Variants in SPEF2 observed in about 807,000 individuals in gnomAD.
SPEF2 encodes sperm flagella and cilia-associated protein 2.
Under a neutral mutation model 224.6 loss-of-function variants are expected in SPEF2, and 187 were observed. The observed-to-expected ratio is 0.83, with a 90% CI of 0.74 to 0.94. The LOEUF is 0.94. SPEF2 is among the 40% of genes least tolerant of loss of function. The pLI is 0.00. For synonymous variants in SPEF2, 715 were observed against 707.3 expected (o/e 1.01, Z -0.17); for missense variants, 2,170 against 2,135.6 (o/e 1.02, Z -0.32).
At chr5:35,804,703 A>G (rs1181699647) in intron 34 of SPEF2, among the ~76,000 whole-genome samples, 1 of 147,004 alleles carries the variant, frequency 6.8e-6, no homozygotes. Context: ...TTACATTGCT[A>G]CCTCTTAAAT....
intron 20 of SPEF2, among the ~76,000 whole-genome samples, chr5:35,726,299 T>G (rs2149651108): frequency 6.6e-6 from 1 of 152,308 alleles, no homozygotes; most frequent in African/African-American, 2.4e-5. Flanking sequence ...ATTACAAAGT[T>G]CTTCTTCTTA....
chr5:35,697,543 C>T (rs1195439880), intron 14 of SPEF2, 147 bp from the exon 15 acceptor site: 3 of 595,914 alleles, frequency 5.0e-6, no homozygotes, highest in East Asian at 2.9e-5. Flanking sequence ...ACACATTTTC[C>T]TGAAATGCTT....
At chr5:35,677,753 T>G (rs1752224379) in intron 10 of SPEF2, among the ~76,000 whole-genome samples, 1 of 152,202 alleles carries the variant, frequency 6.6e-6, no homozygotes, top group Admixed American at 6.5e-5. Context: ...TGTCTGCATC[T>G]GATTGGTCAC....
intron 19 of SPEF2, chr5:35,709,605 A>G: frequency 2.0e-6 from 2 of 985,596 alleles, no homozygotes; most frequent in Non-Finnish European, 2.4e-6. Context: ...TGTGATTATA[A>G]AAGTATAGAA....
At chr5:35,632,220 G>A (rs928565329) in intron 2 of SPEF2, among the ~76,000 whole-genome samples, 2 of 152,074 alleles carry the variant, frequency 1.3e-5, no homozygotes, top group African/African-American at 2.4e-5. Context: ...ATATATACCC[G>A]AGATTGGGCA....
intron 21 of SPEF2, among the ~76,000 whole-genome samples, chr5:35,738,748 G>A (rs1289483490): frequency 6.6e-6 from 1 of 151,532 alleles, no homozygotes; most frequent in Non-Finnish European, 1.5e-5. Context: ...GTTAATCATT[G>A]GTCCTCTTCA....
chr5:35,692,922 C>T (rs937540196), intron 12 of SPEF2, among the ~76,000 whole-genome samples, 198 bp downstream of exon 12: 5 of 151,936 alleles, frequency 3.3e-5, no homozygotes, highest in South Asian at 2.1e-4. Flanking sequence ...GAGGTAAAAT[C>T]GAGGATATTA....
At chr5:35,696,932 A>G (rs1755422552) in intron 14 of SPEF2, among the ~76,000 whole-genome samples, 1 of 152,190 alleles carries the variant, frequency 6.6e-6, no homozygotes, top group Admixed American at 6.5e-5. Flanking sequence ...TGAGGCAGGA[A>G]GGTGCCTGGC....
intron 21 of SPEF2, among the ~76,000 whole-genome samples, chr5:35,734,679 A>G (rs1326427031): frequency 7.0e-6 from 1 of 142,782 alleles, no homozygotes; most frequent in Non-Finnish European, 1.5e-5. Context: ...ACTTCACAAC[A>G]CTTAGTATGT....
At chr5:35,709,881 G>T in intron 19 of SPEF2, 1 of 985,324 alleles carries the variant, frequency 1.0e-6, no homozygotes, top group South Asian at 4.7e-5. Context: ...TTTATAAATG[G>T]CTGACTGTGC....
chr5:35,759,501 A>G, intron 24 of SPEF2, 67 bp from the exon 25 acceptor site: 1 of 1,314,050 alleles, frequency 7.6e-7, no homozygotes, highest in Non-Finnish European at 1.0e-6. Context: ...TCAGAGGCTT[A>G]TATCGGAAAT....
At chr5:35,760,053 G>C (rs1751013620) in intron 25 of SPEF2, among the ~76,000 whole-genome samples, 1 of 152,082 alleles carries the variant, frequency 6.6e-6, no homozygotes. Flanking sequence ...TGGCCCCAAC[G>C]GTTTCTGGTA....
chr5:35,644,670 C>T, intron 4 of SPEF2, 145 bp downstream of exon 4: 1 of 509,478 alleles, frequency 2.0e-6, no homozygotes, highest in South Asian at 5.2e-5. Flanking sequence ...TACTCTCACC[C>T]TTTCTCTCTC....
chr5:35,769,243 G>A (rs1752470976), intron 26 of SPEF2, among the ~76,000 whole-genome samples: 1 of 152,080 alleles, frequency 6.6e-6, no homozygotes. Context: ...CTAACTTACA[G>A]TGCTTTGCAG....
rs1345407840 is a variant in SPEF2 at position 35,713,739 on chromosome 5, ATATATATATTT to A, written c.2914+873_2914+883del. 8.7e-5 allele frequency among the ~76,000 whole-genome samples: 4 copies of A among 46,048 alleles called. 1 individual carries two copies. The highest frequency in any genetic ancestry group is 5.9e-4 in the South Asian group (1 of 1,694). The allele number at this position is 46,048 out of a possible 152,430, so 30.2% of individuals were successfully genotyped here. A position where few individuals can be genotyped will look rare whatever the true frequency, so the allele number is the denominator to read the frequency against. On this transcript the variant is annotated intron_variant, in intron 20 of 36. Coordinates refer to ENST00000356031, the MANE Select transcript of SPEF2 (RefSeq NM_024867.4). The stretch of plus-strand genomic sequence containing the variant: ...GGTGACAGACTCTGTCTCAAAATAT[ATATATATATTT>A]TATATATATTTTATATATAGTATAT...
chr5:35,683,714 T>C (rs1753161388), intron 10 of SPEF2, among the ~76,000 whole-genome samples: 1 of 152,230 alleles, frequency 6.6e-6, no homozygotes, highest in Non-Finnish European at 1.5e-5. Flanking sequence ...GTTGTAATTT[T>C]ATGATCTCTG....
intron 1 of SPEF2, among the ~76,000 whole-genome samples, chr5:35,628,232 A>G (rs114022904): frequency 8.6e-4 from 131 of 152,246 alleles, no homozygotes; most frequent in Non-Finnish European, 1.5e-3. Context: ...AAAATTTTGT[A>G]TTTCATCAAT....
intron 2 of SPEF2, among the ~76,000 whole-genome samples, chr5:35,635,945 C>T (rs1745771815): frequency 6.6e-6 from 1 of 152,058 alleles, no homozygotes; most frequent in African/African-American, 2.4e-5. Flanking sequence ...AAGACTTCCC[C>T]ACGGAGTTTC....
intron 15 of SPEF2, chr5:35,698,765 T>G (rs1755692101): frequency 6.6e-6 from 1 of 152,246 alleles, no homozygotes; most frequent in Admixed American, 6.5e-5. Context: ...CAGTTACATG[T>G]CTGGCTAGTG....
Sources: allele counts gnomAD v4.1 joint callset (sites outside exome capture counted in the v4.1 genomes callset), GRCh38; gene constraint gnomAD v4.1.1; transcripts MANE v1.5; gene names NCBI Gene and HGNC (gene_info 2026-07-23, HGNC 2026-07-21).